Variants in C5 observed in about 807,000 individuals in gnomAD.
The protein encoded by C5 is complement C5, also known as C3 and PZP-like alpha-2-macroglobulin domain-containing protein 4.
A neutral mutation model predicts 218.8 loss-of-function variants in C5; 140 were observed. The observed-to-expected ratio is 0.64, with a 90% CI of 0.56 to 0.74. The LOEUF (loss-of-function observed/expected upper bound fraction) is 0.74. Ranked by LOEUF, C5 falls within the 30% of genes least tolerant of loss-of-function variation. The pLI is 0.00. For synonymous variants in C5, 614 were observed against 682.3 expected, an observed-to-expected ratio of 0.90 and a Z score of 1.56; for missense variants, 1,700 against 1,969.6, an observed-to-expected ratio of 0.86 and a Z score of 2.59.
intron 3 of C5, among the ~76,000 whole-genome samples, chr9:121,038,421 C>A (rs957179562): frequency 1.3e-5 from 2 of 152,190 alleles, no homozygotes; most frequent in African/African-American, 4.8e-5. Context: ...TGAAAACCCA[C>A]AAGGCTCCAA....
At chr9:121,003,374 C>T (rs188025051) in intron 20 of C5, among the ~76,000 whole-genome samples, 1 of 152,008 alleles carries the variant, frequency 6.6e-6, no homozygotes, top group East Asian at 1.9e-4. Context: ...CATCCTGTGG[C>T]CAAGTAAAAT....
At position 121,015,187 on chromosome 9, in the gene C5, A is replaced by G; in HGVS notation, c.2059+12T>C. The G allele has an allele frequency of 1.3e-6, 2 of 1,566,736 alleles. No homozygotes were observed. Among genetic ancestry groups the G allele is most frequent in the Non-Finnish European group, 1.8e-6 (2 of 1,138,452 alleles). ...CCATAACCTTTTTACAATCACATGA[A>G]TCTTACAGTACCTATTTCTTCTATC... is the stretch of plus-strand genomic sequence containing the variant. On this transcript the variant is annotated intron_variant, in intron 16 of 40. Transcript: ENST00000223642.
chr9:121,053,298 G>A (rs2047682003), upstream of C5, among the ~76,000 whole-genome samples: 1 of 152,202 alleles, frequency 6.6e-6, no homozygotes, highest in Admixed American at 6.5e-5. Flanking sequence ...TTTGGCTCAA[G>A]CCCGCAGTCT....
Position 120,953,792 on chromosome 9 carries a change from T to G in C5, c.4839A>C (p.Lys1613Asn). 6.2e-7 allele frequency: 1 copy of G among 1,613,776 alleles called. No homozygotes were observed. Among genetic ancestry groups the G allele is most frequent in the African/African-American group, 1.3e-5 (1 of 75,052 alleles). Reference sequence around the variant, plus strand: ...TACCCATAATTAAGTACTGTCTTCCTTTTACCAGCTCAGCGTTAGTACAGG... The same window carrying G: ...TACCCATAATTAAGTACTGTCTTCCGTTTACCAGCTCAGCGTTAGTACAGG... ...KVTCTNAELVKGRQYLIMGKE... is the reference protein window; with the variant it reads ...KVTCTNAELVNGRQYLIMGKE... The change falls in exon 40 of 41, where the codon AAA (lysine) becomes AAC (asparagine). Residue 1613 changes from lysine to asparagine, a missense_variant. Transcript: ENST00000223642.
intron 25 of C5, among the ~76,000 whole-genome samples, chr9:120,987,702 C>T (rs1217093394): frequency 6.6e-6 from 1 of 151,324 alleles, no homozygotes; most frequent in South Asian, 2.1e-4. Context: ...AGGTTGTAAA[C>T]TCCTTAAATA....
intron 19 of C5, 62 bp downstream of exon 19, chr9:121,006,842 A>C: frequency 8.7e-7 from 1 of 1,151,584 alleles, no homozygotes; most frequent in East Asian, 2.4e-5. Context: ...GATACTAACA[A>C]AGAATTACAT....
At position 120,991,273 on chromosome 9, in the gene C5, A is replaced by G; in HGVS notation, c.2859T>C (p.Ile953=). ...TGTATGGGAACTCCTTTCGTCTGCT[A>G]ATGGTACCTGTAATTTAGAAAATTT... ...TLDPRGIYGT[I]SRRKEFPYRI... Residue 953 remains isoleucine (I), a synonymous_variant, in exon 23 of 41, where the codon ATT becomes ATC. Coordinates refer to ENST00000223642, the MANE Select transcript of C5 (RefSeq NM_001735.3). 2 of 1,598,588 alleles carry G rather than the reference A, an allele frequency of 1.3e-6. No individual in the cohort carries two copies. The highest frequency in any genetic ancestry group is 1.7e-6 in the Non-Finnish European group (2 of 1,165,934).
chr9:121,002,244 GTA>G (rs1200226286), intron 20 of C5, among the ~76,000 whole-genome samples: 1,318 of 45,072 alleles, frequency 0.029, 35 homozygotes, highest in African/African-American at 0.069. Flanking sequence ...ATATGTATAT[GTA>G]TATATATGTA....
rs3217100 is a variant in C5 at position 120,972,009 on chromosome 9, GAAAC to G, written c.4018-21_4018-18del. ...GAGAAGCACCTGGAAAGATAATAGA[GAAAC>G]AAACCATGCTTTCTTTCATCATTTG... On this transcript the variant is annotated intron_variant, in intron 30 of 40. Coordinates refer to ENST00000223642, the MANE Select transcript of C5 (RefSeq NM_001735.3). The G allele has an allele frequency of 0.12, 192,582 of 1,603,812 alleles. 17,812 individuals are homozygous for G. Among genetic ancestry groups the G allele is most frequent in the African/African-American group, 0.49 (36,261 of 74,410 alleles).
intron 21 of C5, 39 bp downstream of exon 21, chr9:120,997,508 A>G (rs2047126655): frequency 7.6e-6 from 11 of 1,440,448 alleles, no homozygotes; most frequent in Middle Eastern, 2.1e-4. Flanking sequence ...CTCTTTTGCA[A>G]TAATTTAAGC....
At chr9:120,968,871 T>C (rs967724601) in intron 33 of C5, among the ~76,000 whole-genome samples, 190 bp downstream of exon 33, 4 of 152,194 alleles carry the variant, frequency 2.6e-5, no homozygotes, top group Admixed American at 2.6e-4. Context: ...GAGAAAACTA[T>C]TATGAGCAAA....
intron 28 of C5, chr9:120,979,868 G>A (rs2046978937): frequency 5.7e-6 from 3 of 525,234 alleles, no homozygotes; most frequent in Non-Finnish European, 1.0e-5. Flanking sequence ...GACAGAGCGA[G>A]AACCTGTCTT....
At chr9:120,975,027 T>C in intron 29 of C5, 96 bp from the exon 30 acceptor site, 2 of 1,402,042 alleles carry the variant, frequency 1.4e-6, no homozygotes, top group Non-Finnish European at 2.0e-6. Flanking sequence ...GGCAGCATTG[T>C]CTGGAGATGA....
rs1310394452 is a variant in C5 at position 121,006,117 on chromosome 9, T to C, written c.2423-59A>G. On this transcript the variant is annotated intron_variant, in intron 19 of 40. Transcript: ENST00000223642. ...ATTAGGAAATTCCTATAATGTTTTA[T>C]TGGTATTAAAATTTCTCACATTTGC... is the stretch of plus-strand genomic sequence containing the variant. 8.3e-6 allele frequency: 13 copies of C among 1,569,204 alleles called. No individual in the cohort carries two copies. In the East Asian group the frequency reaches 2.2e-4, roughly 27 times the overall value.
chr9:121,025,380 T>C, intron 9 of C5, 74 bp downstream of exon 9: 1 of 1,364,476 alleles, frequency 7.3e-7, no homozygotes, highest in East Asian at 2.7e-5. Context: ...ATTATTTATA[T>C]CTTTAATATT....
At chr9:121,073,901 CAG>C in the C5 span, among the ~76,000 whole-genome samples, 2 of 151,978 alleles carry the variant, frequency 1.3e-5, no homozygotes, top group African/African-American at 2.4e-5. Flanking sequence ...AACTGAGACA[CAG>C]AGAGAGAGGG....
the C5 span, among the ~76,000 whole-genome samples, chr9:121,060,226 G>A: frequency 1.3e-5 from 2 of 152,088 alleles, no homozygotes; most frequent in Admixed American, 1.3e-4. Context: ...CTTTGAAAGC[G>A]CCACCTGCTG....
At chr9:120,964,307 G>A (rs909609635) in intron 33 of C5, among the ~76,000 whole-genome samples, 8 of 152,118 alleles carry the variant, frequency 5.3e-5, no homozygotes, top group East Asian at 1.9e-4. Context: ...GTGAAACTCC[G>A]TCTTTACTAA....
At chr9:121,031,109 T>C (rs917250892) in intron 6 of C5, among the ~76,000 whole-genome samples, 1 of 152,104 alleles carries the variant, frequency 6.6e-6, no homozygotes, top group African/African-American at 2.4e-5. Flanking sequence ...TTGTTAAAAT[T>C]TGTGTCAGTA....
Sources: allele counts gnomAD v4.1 joint callset (sites outside exome capture counted in the v4.1 genomes callset), GRCh38; gene constraint gnomAD v4.1.1; transcripts MANE v1.5; gene names NCBI Gene and HGNC (gene_info 2026-07-23, HGNC 2026-07-21).